The following WWC1 variants were observed in gnomAD, a reference collection of about 807,000 sequenced individuals.
The protein encoded by WWC1 is protein KIBRA.
In WWC1, 55 loss-of-function variants were observed where a neutral mutation model predicts 138.4. That is an observed-to-expected ratio of 0.40 (90% CI 0.32 to 0.50). The LOEUF (loss-of-function observed/expected upper bound fraction) is 0.50, where lower values mean the gene tolerates loss of function less well. Among genes scored for constraint, WWC1 ranks in the 20% least tolerant of loss-of-function variants. The pLI is 0.72. For synonymous variants in WWC1, 524 were observed against 564.9 expected (o/e 0.93, Z 1.03); for missense variants, 1,226 against 1,420.4 (o/e 0.86, Z 2.20).
intron 19 of WWC1, among the ~76,000 whole-genome samples, chr5:168,456,191 C>CTAG (rs1756299533): frequency 6.6e-6 from 1 of 151,990 alleles, no homozygotes; most frequent in Admixed American, 6.6e-5. Context: ...GTAGTCCCAG[C>CTAG]TAGTGGGGAA....
chr5:168,310,413 T>C (rs1581881711), intron 1 of WWC1, among the ~76,000 whole-genome samples: 3 of 151,380 alleles, frequency 2.0e-5, no homozygotes, highest in South Asian at 4.2e-4. Context: ...TGTATATATA[T>C]ATATACACCC....
intron 19 of WWC1, among the ~76,000 whole-genome samples, chr5:168,456,698 A>AT (rs10680508): frequency 0.12 from 17,105 of 146,692 alleles, 1,578 homozygotes; most frequent in African/African-American, 0.25. Context: ...TGCTCCGCCA[A>AT]TTTTTTTTTT....
At chr5:168,428,882 C>G (rs1182874061) in intron 13 of WWC1, 95 bp downstream of exon 13, 1 of 1,372,592 alleles carries the variant, frequency 7.3e-7, no homozygotes, top group Non-Finnish European at 1.0e-6. Context: ...CACAGCCGCC[C>G]AGGGTGGAAG....
intron 3 of WWC1, among the ~76,000 whole-genome samples, chr5:168,396,630 T>C (rs1029925456): frequency 7.9e-5 from 12 of 152,220 alleles, no homozygotes; most frequent in African/African-American, 2.7e-4. Context: ...CTGGTCCTAT[T>C]TCCCCCTCAC....
At chr5:168,448,226 C>T (rs933178291) in intron 17 of WWC1, among the ~76,000 whole-genome samples, 2 of 152,204 alleles carry the variant, frequency 1.3e-5, no homozygotes, top group Non-Finnish European at 2.9e-5. Context: ...GGGATGTTAA[C>T]TGGCCTTGCC....
intron 1 of WWC1, among the ~76,000 whole-genome samples, chr5:168,297,541 G>T (rs980551672): frequency 7.3e-5 from 11 of 150,946 alleles, no homozygotes; most frequent in African/African-American, 2.7e-4. Flanking sequence ...CAGGAGAATC[G>T]CTTGAATCCG....
At chr5:168,338,725 G>A (rs1423297931) in intron 1 of WWC1, among the ~76,000 whole-genome samples, 1 of 152,134 alleles carries the variant, frequency 6.6e-6, no homozygotes, top group East Asian at 1.9e-4. Context: ...TGAATCAGAA[G>A]GGATTTTTCC....
intron 1 of WWC1, among the ~76,000 whole-genome samples, chr5:168,370,484 T>C (rs1776669462): frequency 6.6e-6 from 1 of 152,194 alleles, no homozygotes; most frequent in African/African-American, 2.4e-5. Flanking sequence ...AGCAGAGCCT[T>C]CTGGGCTTCC....
At chr5:168,449,497 G>C (rs770318765) in intron 17 of WWC1, among the ~76,000 whole-genome samples, 13 of 151,722 alleles carry the variant, frequency 8.6e-5, no homozygotes, top group Non-Finnish European at 1.8e-4. Context: ...ATAAATACTG[G>C]TCAATGTGGC....
intron 1 of WWC1, among the ~76,000 whole-genome samples, chr5:168,340,005 C>CT (rs1561631179): frequency 1.0e-5 from 1 of 96,602 alleles, no homozygotes; most frequent in Non-Finnish European, 2.5e-5. Context: ...CTCTTTCTCT[C>CT]TTTCTTTCTT....
chr5:168,417,981 CAT>C (rs1780784585), intron 9 of WWC1, among the ~76,000 whole-genome samples: 1 of 152,188 alleles, frequency 6.6e-6, no homozygotes, highest in South Asian at 2.1e-4. Context: ...CCTTCTGACT[CAT>C]ATTCTGTTTC....
At chr5:168,357,992 C>T (rs916489799) in intron 1 of WWC1, among the ~76,000 whole-genome samples, 1 of 152,218 alleles carries the variant, frequency 6.6e-6, no homozygotes, top group African/African-American at 2.4e-5. Context: ...GAGCAGCCTG[C>T]TCACTGTGAT....
intron 1 of WWC1, among the ~76,000 whole-genome samples, chr5:168,369,518 T>A (rs1262016287): frequency 6.6e-6 from 1 of 152,152 alleles, no homozygotes; most frequent in Non-Finnish European, 1.5e-5. Context: ...TTCTTCCACC[T>A]CAGCCTCCCA....
At chr5:168,355,621 T>C (rs1318759581) in intron 1 of WWC1, among the ~76,000 whole-genome samples, 1 of 151,820 alleles carries the variant, frequency 6.6e-6, no homozygotes, top group Non-Finnish European at 1.5e-5. Context: ...CAAAAGGCTC[T>C]GAGGTGGGAA....
chr5:168,321,149 C>G (rs1020689602), intron 1 of WWC1, among the ~76,000 whole-genome samples: 5 of 152,160 alleles, frequency 3.3e-5, no homozygotes, highest in African/African-American at 9.7e-5. Context: ...AGGACATCCC[C>G]CTCATCCCAG....
chr5:168,352,652 C>T (rs1383029408), intron 1 of WWC1, among the ~76,000 whole-genome samples: 6 of 151,178 alleles, frequency 4.0e-5, no homozygotes, highest in Admixed American at 2.0e-4. Flanking sequence ...AGCATGATCT[C>T]GGCTCGCTGC....
intron 1 of WWC1, among the ~76,000 whole-genome samples, chr5:168,366,584 G>A (rs1776304955): frequency 6.6e-6 from 1 of 152,134 alleles, no homozygotes; most frequent in Non-Finnish European, 1.5e-5. Context: ...ATTGTGTCCT[G>A]GTAGGGTATC....
At chr5:168,459,851 G>A (rs1451725364) in intron 19 of WWC1, among the ~76,000 whole-genome samples, 1 of 152,092 alleles carries the variant, frequency 6.6e-6, no homozygotes, top group Non-Finnish European at 1.5e-5. Context: ...TTTGGAAATA[G>A]GACTCGAGAA....
chr5:168,394,976 T>C (rs1778780316), intron 3 of WWC1, among the ~76,000 whole-genome samples: 2 of 152,370 alleles, frequency 1.3e-5, no homozygotes, highest in Admixed American at 6.5e-5. Flanking sequence ...GTAAAAATTG[T>C]GCACTTCACA....
Sources: allele counts gnomAD v4.1 joint callset (sites outside exome capture counted in the v4.1 genomes callset), GRCh38; gene constraint gnomAD v4.1.1; transcripts MANE v1.5; gene names NCBI Gene and HGNC (gene_info 2026-07-23, HGNC 2026-07-21).